Variants in ARL10 observed in about 807,000 individuals in gnomAD.
ARL10 encodes ARF like GTPase 10, also known as ADP-ribosylation factor-like protein 10.
ARL10 carries 23 observed loss-of-function variants against 26.1 expected under a neutral mutation model. That is an observed-to-expected ratio of 0.88 (90% CI 0.63 to 1.25). ARL10 has a LOEUF of 1.25. Among genes scored for constraint, ARL10 ranks in the 50% most tolerant of loss-of-function variants. The probability of loss-of-function intolerance (pLI) is 0.00; values close to 1 mark genes in which losing one functional copy is unlikely to be tolerated. For missense variants in ARL10, 300 were observed against 323.6 expected (o/e 0.93, Z 0.56); for synonymous variants, 138 against 149.1 (o/e 0.93, Z 0.54).
downstream of ARL10, among the ~76,000 whole-genome samples, chr5:176,383,516 C>G (rs1755604026): frequency 6.6e-6 from 1 of 152,258 alleles, no homozygotes; most frequent in Non-Finnish European, 1.5e-5. Context: ...TCCCAGAAGC[C>G]AGGTTGGGGG....
At chr5:176,403,026 C>T (rs1456299231), downstream of ARL10, among the ~76,000 whole-genome samples, 1 of 151,848 alleles carries the variant, frequency 6.6e-6, no homozygotes, top group Non-Finnish European at 1.5e-5. Context: ...TCAGGGCCCG[C>T]CATCTCCATA....
At chr5:176,414,999 C>T in the ARL10 span, among the ~76,000 whole-genome samples, 2 of 152,176 alleles carry the variant, frequency 1.3e-5, no homozygotes, top group Non-Finnish European at 2.9e-5. Context: ...TTAGCACTTA[C>T]TACAACAGGC....
chr5:176,407,100 T>C, the ARL10 span, among the ~76,000 whole-genome samples: 4 of 152,032 alleles, frequency 2.6e-5, no homozygotes, highest in African/African-American at 7.2e-5. Flanking sequence ...CTCACTCAGA[T>C]TGGAAAGGAG....
chr5:176,366,821 G>C (rs1768326907), intron 2 of ARL10, among the ~76,000 whole-genome samples: 1 of 152,098 alleles, frequency 6.6e-6, no homozygotes, highest in Non-Finnish European at 1.5e-5. Flanking sequence ...AAAGTCGATA[G>C]GCCTAACACA....
At chr5:176,411,983 T>C in the ARL10 span, among the ~76,000 whole-genome samples, 1 of 151,994 alleles carries the variant, frequency 6.6e-6, no homozygotes, top group Non-Finnish European at 1.5e-5. Context: ...GAGACCATCC[T>C]GGCTAACACG....
chr5:176,395,589 C>T (rs1479022426), intron 1 of ARL10, among the ~76,000 whole-genome samples: 2 of 152,194 alleles, frequency 1.3e-5, no homozygotes, highest in Non-Finnish European at 2.9e-5. Context: ...CACCACCCTC[C>T]AGGATGTCTC....
At chr5:176,412,788 G>A in the ARL10 span, among the ~76,000 whole-genome samples, 1 of 152,154 alleles carries the variant, frequency 6.6e-6, no homozygotes, top group Non-Finnish European at 1.5e-5. Flanking sequence ...CTGCATGGGT[G>A]TCCTGGCCCC....
At chr5:176,388,154 A>G (rs984423521) in intron 1 of ARL10, 7 of 1,030,468 alleles carry the variant, frequency 6.8e-6, no homozygotes, top group Non-Finnish European at 1.0e-5. Flanking sequence ...AGGAATGGGC[A>G]GTACCACGTT....
At chr5:176,384,678 G>A (rs1755693707), downstream of ARL10, 1 of 428,192 alleles carries the variant, frequency 2.3e-6, no homozygotes, top group Non-Finnish European at 4.2e-6. Flanking sequence ...GCCGAGGCAG[G>A]AGGACTGTTT....
intron 1 of ARL10, among the ~76,000 whole-genome samples, chr5:176,394,742 G>A (rs1271802624): frequency 6.6e-6 from 1 of 152,238 alleles, no homozygotes; most frequent in South Asian, 2.1e-4. Flanking sequence ...TTGAGCCCAG[G>A]AGGCGGAGGT....
At chr5:176,401,603 T>A in intron 1 of ARL10, 13 of 395,146 alleles carry the variant, frequency 3.3e-5, no homozygotes, top group South Asian at 2.0e-4. Flanking sequence ...GACATCCACA[T>A]GGCATCGAGA....
chr5:176,414,039 G>A, the ARL10 span, among the ~76,000 whole-genome samples: 1 of 152,276 alleles, frequency 6.6e-6, no homozygotes, highest in African/African-American at 2.4e-5. Flanking sequence ...CACCATCCTG[G>A]GAGAGGCCAC....
chr5:176,390,919 T>C (rs1756247147), downstream of ARL10, among the ~76,000 whole-genome samples: 1 of 152,206 alleles, frequency 6.6e-6, no homozygotes, highest in Non-Finnish European at 1.5e-5. Flanking sequence ...AGAGGTGACC[T>C]GTTAGTTCCT....
intron 2 of ARL10, among the ~76,000 whole-genome samples, chr5:176,366,838 C>T (rs1412670707): frequency 6.6e-6 from 1 of 152,094 alleles, no homozygotes; most frequent in Non-Finnish European, 1.5e-5. Flanking sequence ...CACAGAGATA[C>T]TAACAGCTAA....
At chr5:176,391,736 G>A (rs1756268552), downstream of ARL10, among the ~76,000 whole-genome samples, 1 of 152,222 alleles carries the variant, frequency 6.6e-6, no homozygotes, top group African/African-American at 2.4e-5. Context: ...GATGCCTGAG[G>A]CTACCAGAAG....
intron 1 of ARL10, among the ~76,000 whole-genome samples, chr5:176,394,809 C>T (rs375455275): frequency 2.7e-5 from 4 of 148,416 alleles, no homozygotes; most frequent in East Asian, 2.0e-4. Flanking sequence ...AGCAAGACTC[C>T]GTCTTAAAAA....
At chr5:176,399,589 G>T (rs561487908) in intron 1 of ARL10, among the ~76,000 whole-genome samples, 3 of 151,748 alleles carry the variant, frequency 2.0e-5, no homozygotes, top group Non-Finnish European at 4.4e-5. Context: ...TTTCAAAAAA[G>T]TTTTTTTAAT....
chr5:176,410,409 T>C, the ARL10 span: 1 of 816,604 alleles, frequency 1.2e-6, no homozygotes, highest in Non-Finnish European at 2.0e-6. Flanking sequence ...TACCCATGTA[T>C]ATATCGACCC....
chr5:176,388,551 C>T (rs557670787), exon 2 of ARL10: 3 of 1,602,910 alleles, frequency 1.9e-6, no homozygotes, highest in Non-Finnish European at 1.7e-6. Flanking sequence ...GCGCTGACCA[C>T]CGCACCAGCA....
Sources: gnomAD v4.1 joint callset for allele counts (sites outside exome capture counted in the v4.1 genomes callset) on GRCh38, gnomAD v4.1.1 for gene constraint, MANE v1.5 for transcripts, NCBI Gene and HGNC (gene_info 2026-07-23, HGNC 2026-07-21) for gene names.